Variants in TMEM26 observed in about 807,000 individuals in gnomAD.
TMEM26 encodes transmembrane protein 26.
TMEM26 carries 38 observed loss-of-function variants against 28.8 expected under a neutral mutation model. That is an observed-to-expected ratio of 1.32 (90% confidence interval 1.02 to 1.73). The LOEUF is 1.73. Ranked by LOEUF, TMEM26 falls within the 40% of genes most tolerant of loss-of-function variation. TMEM26 has a pLI of 0.00. For synonymous variants in TMEM26, 227 were observed against 182.9 expected (o/e 1.24, Z -1.95); for missense variants, 518 against 447.1 (o/e 1.16, Z -1.43).
chr10:61,452,820 T>C (rs1249603899), intron 1 of TMEM26, 71 bp downstream of exon 1: 5 of 1,518,592 alleles, frequency 3.3e-6, no homozygotes, highest in East Asian at 2.3e-5. Context: ...TGCGGGAAGA[T>C]GGCCTGCGAG....
Position 61,428,946 on chromosome 10 carries a change from G to C in TMEM26, c.585C>G (p.Thr195=), listed in dbSNP as rs762128382. 3.1e-6 allele frequency: 5 copies of C among 1,612,940 alleles called. No individual in the cohort carries two copies. The South Asian group carries it at 4.4e-5, about 14-fold the overall frequency. The change falls in exon 4 of 6, where the codon ACC becomes ACG. Residue 195 remains threonine (T), a synonymous_variant. Coordinates refer to ENST00000399298, the MANE Select transcript of TMEM26 (RefSeq NM_178505.8). ...CTCACCTCACATTTTGTTCTTCTAGGGTCTCACTTGTGAATTCCAGTATGT... is the reference window on the plus strand; with the variant it reads ...CTCACCTCACATTTTGTTCTTCTAGCGTCTCACTTGTGAATTCCAGTATGT... ...AADILEFTSE[T]LEEQNVRNSP...
chr10:61,445,686 A>T (rs12572972), intron 1 of TMEM26, among the ~76,000 whole-genome samples: 1,587 of 125,436 alleles, frequency 0.013, 33 homozygotes, highest in East Asian at 0.065. Flanking sequence ...ATTTTTTTTT[A>T]AAAAAAAGGA....
chr10:61,429,646 G>A (rs955755928), intron 3 of TMEM26, among the ~76,000 whole-genome samples: 3 of 151,914 alleles, frequency 2.0e-5, no homozygotes, highest in African/African-American at 7.3e-5. Context: ...ACATAAAAAT[G>A]TAATAATGTT....
At chr10:61,413,680 TC>T (rs920711151) in intron 4 of TMEM26, 145 bp from the exon 5 acceptor site, 2 of 1,337,070 alleles carry the variant, frequency 1.5e-6, no homozygotes, top group African/African-American at 3.0e-5. Flanking sequence ...ATGAAAAAAA[TC>T]CTTACATGAT....
chr10:61,452,897 T>C lies in TMEM26; in HGVS notation c.185A>G (p.Tyr62Cys). The part of the protein sequence containing the change: ...LTLKFKRGRG[Y>C]KWFSPAIFLY... ...TTTCCCGGGGCACTCTCACCATTTG[T>C]AGCCTCTGCCGCGCTTGAACTTGAG... The change falls in exon 1 of 6, where the codon TAC (tyrosine) becomes TGC (cysteine). Residue 62 changes from tyrosine (Y) to cysteine (C), a missense_variant. Transcript: ENST00000399298. 1 of 1,612,922 alleles carries C rather than the reference T, an allele frequency of 6.2e-7. No homozygotes were observed. Among genetic ancestry groups the C allele is most frequent in the Non-Finnish European group, 8.5e-7 (1 of 1,179,022 alleles).
Position 61,410,087 on chromosome 10 carries a change from C to T in TMEM26, c.*235G>A. 5.5e-6 allele frequency: 3 copies of T among 547,150 alleles called. No homozygotes were observed. Among genetic ancestry groups the T allele is most frequent in the Non-Finnish European group, 9.7e-6 (3 of 309,002 alleles). The allele number at this position is 547,150 out of a possible 1,614,324, so 33.9% of individuals were successfully genotyped here. A position where few individuals can be genotyped will look rare whatever the true frequency, so the allele number is the denominator to read the frequency against. Reference sequence around the variant, plus strand: ...GTTCAAGACAAACAAATCACTTAGTCGTTGAACAACTATAACATCTGATAC... The same window carrying T: ...GTTCAAGACAAACAAATCACTTAGTTGTTGAACAACTATAACATCTGATAC... On this transcript the variant is annotated 3_prime_UTR_variant, in exon 6 of 6. Coordinates refer to ENST00000399298, the MANE Select transcript of TMEM26 (RefSeq NM_178505.8).
At chr10:61,429,185 C>A in intron 3 of TMEM26, 39 bp from the exon 4 acceptor site, 1 of 1,535,944 alleles carries the variant, frequency 6.5e-7, no homozygotes, top group South Asian at 1.1e-5. Flanking sequence ...GATTATCAGC[C>A]ACCACCTGAG....
At chr10:61,414,988 A>G (rs1839627442) in intron 4 of TMEM26, 1 of 985,210 alleles carries the variant, frequency 1.0e-6, no homozygotes, top group African/African-American at 1.7e-5. Context: ...GGGACTCTCC[A>G]ATGGGTTGTT....
intron 4 of TMEM26, among the ~76,000 whole-genome samples, chr10:61,428,664 A>G (rs1839870645): frequency 6.6e-6 from 1 of 152,132 alleles, no homozygotes; most frequent in African/African-American, 2.4e-5. Context: ...TCATGAAAAC[A>G]TGCAGAGCTT....
chr10:61,413,319 T>C, intron 5 of TMEM26, 140 bp downstream of exon 5: 1 of 1,408,636 alleles, frequency 7.1e-7, no homozygotes, highest in South Asian at 1.5e-5. Context: ...AGTTTCAATC[T>C]ACTTTCCTTC....
intron 4 of TMEM26, among the ~76,000 whole-genome samples, chr10:61,418,167 T>C (rs1009095737): frequency 6.6e-6 from 1 of 151,988 alleles, no homozygotes; most frequent in Non-Finnish European, 1.5e-5. Flanking sequence ...TCAACTCTGC[T>C]AAAACAAAAA....
chr10:61,431,422 T>C, intron 2 of TMEM26, 90 bp from the exon 3 acceptor site: 1 of 895,080 alleles, frequency 1.1e-6, no homozygotes, highest in Non-Finnish European at 1.8e-6. Flanking sequence ...CAAGAGATTA[T>C]GAGCAGATAT....
At chr10:61,441,921 T>C (rs746338055) in intron 1 of TMEM26, among the ~76,000 whole-genome samples, 4 of 152,176 alleles carry the variant, frequency 2.6e-5, no homozygotes, top group Non-Finnish European at 5.9e-5. Context: ...TTTTTTGTTT[T>C]AATTCCATAG....
At chr10:61,445,170 G>T (rs1220368333) in intron 1 of TMEM26, among the ~76,000 whole-genome samples, 1 of 152,172 alleles carries the variant, frequency 6.6e-6, no homozygotes, top group Non-Finnish European at 1.5e-5. Flanking sequence ...TTGATAAGTG[G>T]TGCCACCTCC....
intron 1 of TMEM26, among the ~76,000 whole-genome samples, chr10:61,439,351 C>A (rs923681858): frequency 2.0e-5 from 3 of 152,204 alleles, no homozygotes; most frequent in Non-Finnish European, 4.4e-5. Context: ...CCCACTCCTT[C>A]ATTTTCTTTT....
chr10:61,451,747 C>A (rs907456134), intron 1 of TMEM26, among the ~76,000 whole-genome samples: 2 of 152,134 alleles, frequency 1.3e-5, no homozygotes, highest in Non-Finnish European at 1.5e-5. Context: ...ATTGATAATT[C>A]TAGAAATTTT....
intron 4 of TMEM26, among the ~76,000 whole-genome samples, chr10:61,415,688 A>T (rs1358743408): frequency 1.3e-5 from 2 of 152,090 alleles, no homozygotes; most frequent in Non-Finnish European, 2.9e-5. Context: ...ACATTATATT[A>T]TTTCCATGAA....
intron 1 of TMEM26, among the ~76,000 whole-genome samples, chr10:61,447,324 G>A (rs956559448): frequency 2.6e-5 from 4 of 152,170 alleles, no homozygotes; most frequent in Admixed American, 6.5e-5. Context: ...ATCATACAAA[G>A]TTCTCCCGCA....
intron 1 of TMEM26, among the ~76,000 whole-genome samples, chr10:61,440,402 C>A (rs1840072447): frequency 6.6e-6 from 1 of 152,016 alleles, no homozygotes. Flanking sequence ...GGAGCATTTG[C>A]CCATCACTAC....
Sources: gnomAD v4.1 joint callset for allele counts (sites outside exome capture counted in the v4.1 genomes callset) on GRCh38, gnomAD v4.1.1 for gene constraint, MANE v1.5 for transcripts, NCBI Gene and HGNC (gene_info 2026-07-23, HGNC 2026-07-21) for gene names.